Variants in FBXO34 observed in about 807,000 individuals in gnomAD.
The protein encoded by FBXO34 is F-box only protein 34.
Under a neutral mutation model 24.5 loss-of-function variants are expected in FBXO34, and 12 were observed. The ratio of observed to expected loss-of-function variants is 0.49; its 90% CI spans 0.31 to 0.79. FBXO34 has a LOEUF of 0.79. Ranked by LOEUF, FBXO34 falls within the 30% of genes least tolerant of loss-of-function variation. FBXO34 has a pLI of 0.04. For missense variants in FBXO34, 823 were observed against 857.7 expected (o/e 0.96, Z 0.51); for synonymous variants, 320 against 311.9 (o/e 1.03, Z -0.27).
chr14:55,400,020 A>C, the FBXO34 span, among the ~76,000 whole-genome samples: 2 of 152,240 alleles, frequency 1.3e-5, no homozygotes, highest in Admixed American at 1.3e-4. Context: ...CAAAAACAGC[A>C]ATTACTTTTG....
the FBXO34 span, among the ~76,000 whole-genome samples, chr14:55,425,320 A>C: frequency 0.28 from 42,461 of 151,802 alleles, 7,661 homozygotes; most frequent in African/African-American, 0.52. Context: ...GCCCTGAAAA[A>C]CCCTCCAGGG....
chr14:55,375,130 G>T, the FBXO34 span, among the ~76,000 whole-genome samples: 1 of 152,140 alleles, frequency 6.6e-6, no homozygotes, highest in South Asian at 2.1e-4. Context: ...TCCTCATACG[G>T]TGTGTAGAGC....
In FBXO34 at chr14:55,296,384, TTTTTTTG is replaced by T. The variant is rs1476389287; in HGVS notation, c.-11+24854_-11+24860del. On this transcript the variant is annotated intron_variant, in intron 1 of 1. Coordinates refer to ENST00000313833, the MANE Select transcript of FBXO34 (RefSeq NM_017943.4). ...TGGGTAGGTTTTGCTGTTCTTGTGT[TTTTTTTG>T]TTTTTTTTTTTTTTTTTTTTTTTTG... Among the ~76,000 whole-genome samples, 45 of 112,528 alleles carry T rather than the reference TTTTTTTG, an allele frequency of 4.0e-4. 1 individual carries two copies. The South Asian group carries it at 5.4e-3, about 13-fold the overall frequency. 73.8% of individuals were successfully genotyped at this position (112,528 alleles called of 152,430 possible). A position where few individuals can be genotyped will look rare whatever the true frequency, so the allele number is the denominator to read the frequency against.
intron 1 of FBXO34, among the ~76,000 whole-genome samples, chr14:55,328,251 C>A (rs1883417494): frequency 6.6e-6 from 1 of 152,146 alleles, no homozygotes; most frequent in Non-Finnish European, 1.5e-5. Context: ...AGCCACCATA[C>A]CTGGCCGATG....
chr14:55,404,342 C>T, the FBXO34 span, among the ~76,000 whole-genome samples: 1 of 152,206 alleles, frequency 6.6e-6, no homozygotes, highest in Non-Finnish European at 1.5e-5. Flanking sequence ...GCACTCTGCT[C>T]CCTTCTAAAA....
At chr14:55,315,434 A>G (rs1486613679) in intron 1 of FBXO34, among the ~76,000 whole-genome samples, 3 of 152,064 alleles carry the variant, frequency 2.0e-5, no homozygotes, top group Non-Finnish European at 2.9e-5. Context: ...AGAGATATTC[A>G]TTACCTCTTT....
chr14:55,296,391 GTT>G (rs1167344634), intron 1 of FBXO34, among the ~76,000 whole-genome samples: 45 of 64,738 alleles, frequency 7.0e-4, no homozygotes, highest in African/African-American at 1.7e-3. Context: ...TGTTTTTTTT[GTT>G]TTTTTTTTTT....
At chr14:55,429,438 C>A in the FBXO34 span, among the ~76,000 whole-genome samples, 3 of 152,156 alleles carry the variant, frequency 2.0e-5, no homozygotes, top group Non-Finnish European at 4.4e-5. Flanking sequence ...GTTTGGGAAC[C>A]ATTCATCCAG....
the FBXO34 span, among the ~76,000 whole-genome samples, chr14:55,433,131 ATTAT>A: frequency 1.3e-5 from 2 of 151,874 alleles, no homozygotes; most frequent in African/African-American, 4.8e-5. Flanking sequence ...TCAGTATTTT[ATTAT>A]TTTTTTTAAT....
the FBXO34 span, chr14:55,378,127 G>T: frequency 1.3e-6 from 2 of 1,497,892 alleles, no homozygotes; most frequent in Non-Finnish European, 1.8e-6. Flanking sequence ...GAAATTCTAT[G>T]TTAAAATTTC....
At chr14:55,439,590 A>T in the FBXO34 span, among the ~76,000 whole-genome samples, 1 of 114,026 alleles carries the variant, frequency 8.8e-6, no homozygotes, top group Admixed American at 1.1e-4. Flanking sequence ...CAAGAGTTCA[A>T]CACCAGCCTG....
intron 1 of FBXO34, chr14:55,272,367 A>G (rs1343845858): frequency 6.6e-6 from 1 of 152,234 alleles, no homozygotes; most frequent in East Asian, 1.9e-4. Context: ...AGCTCAGTAT[A>G]AGACATTTGA....
chr14:55,288,941 C>T (rs1026963024), intron 1 of FBXO34, among the ~76,000 whole-genome samples: 2 of 152,084 alleles, frequency 1.3e-5, no homozygotes, highest in Non-Finnish European at 2.9e-5. Flanking sequence ...ATCCCAGTTA[C>T]TGGAGAGGCT....
chr14:55,279,803 G>T (rs1001598942), intron 1 of FBXO34, among the ~76,000 whole-genome samples: 3 of 152,234 alleles, frequency 2.0e-5, no homozygotes, highest in Non-Finnish European at 2.9e-5. Context: ...GGGAGAGGAA[G>T]TGGATTTCCA....
At chr14:55,366,061 G>A (rs549104679), downstream of FBXO34, among the ~76,000 whole-genome samples, 47 of 152,194 alleles carry the variant, frequency 3.1e-4, no homozygotes, top group Non-Finnish European at 5.9e-4. Context: ...CAGGTTCCAC[G>A]TGGGCATCCT....
chr14:55,345,023 G>A (rs1884114347), intron 1 of FBXO34, among the ~76,000 whole-genome samples: 1 of 152,192 alleles, frequency 6.6e-6, no homozygotes, highest in Admixed American at 6.5e-5. Context: ...AGGGCTGGGT[G>A]TGGTGACTCA....
intron 1 of FBXO34, among the ~76,000 whole-genome samples, chr14:55,331,443 A>G (rs545614700): frequency 1.3e-5 from 2 of 151,316 alleles, no homozygotes; most frequent in Non-Finnish European, 2.9e-5. Context: ...TCTAATTTCT[A>G]TGTTACAAAT....
intron 1 of FBXO34, among the ~76,000 whole-genome samples, chr14:55,349,044 A>G (rs1884252910): frequency 6.6e-6 from 1 of 152,134 alleles, no homozygotes; most frequent in Non-Finnish European, 1.5e-5. Flanking sequence ...CCAAACTGGG[A>G]CTGCAGATCT....
intron 1 of FBXO34, among the ~76,000 whole-genome samples, chr14:55,343,997 A>G (rs17741681): frequency 0.058 from 8,876 of 152,276 alleles, 330 homozygotes; most frequent in South Asian, 0.089. Flanking sequence ...TAAAAGGAAT[A>G]CTGGAATTAT....
Sources: gnomAD v4.1 joint callset for allele counts (sites outside exome capture counted in the v4.1 genomes callset) on GRCh38, gnomAD v4.1.1 for gene constraint, MANE v1.5 for transcripts, NCBI Gene and HGNC (gene_info 2026-07-23, HGNC 2026-07-21) for gene names.